RPS6KA2: variants seen among roughly 807,000 people sequenced by gnomAD.
RPS6KA2 encodes ribosomal protein S6 kinase alpha-2.
A neutral mutation model predicts 91.8 loss-of-function variants in RPS6KA2; 42 were observed. The ratio of observed to expected loss-of-function variants is 0.46; its 90% confidence interval spans 0.36 to 0.59. RPS6KA2 has a LOEUF of 0.59. Ranked by LOEUF, RPS6KA2 falls within the 20% of genes least tolerant of loss-of-function variation. RPS6KA2 has a pLI of 0.00. For synonymous variants in RPS6KA2, 414 were observed against 393.6 expected (o/e 1.05, Z -0.61); for missense variants, 798 against 978.5 (o/e 0.82, Z 2.46).
In RPS6KA2 at chr6:166,648,179, C is replaced by G. The variant is rs1787720873; in HGVS notation, c.124-109395G>C. Among the ~76,000 whole-genome samples, 1 of 150,928 alleles carries G rather than the reference C, an allele frequency of 6.6e-6. No individual in the cohort carries two copies. Among genetic ancestry groups the G allele is most frequent in the African/African-American group, 2.4e-5 (1 of 40,856 alleles). ...ACACACCCATGCACACATGCTCACA[C>G]ACATGCACACATGCTCATACACACA... On this transcript the variant is annotated intron_variant, in intron 2 of 21. Transcript: ENST00000503859. The surrounding 1 kb of genome is among the most constrained non-coding windows in gnomAD (Gnocchi z 4.8).
At chr6:166,750,280 G>A (rs556647085) in intron 2 of RPS6KA2, among the ~76,000 whole-genome samples, 2 of 152,222 alleles carry the variant, frequency 1.3e-5, no homozygotes, top group South Asian at 2.1e-4. Context: ...CCCTGGGGGG[G>A]TGCTCACCAG....
At chr6:166,796,800 A>G (rs9459760) in intron 2 of RPS6KA2, among the ~76,000 whole-genome samples, 55,212 of 150,896 alleles carry the variant, frequency 0.37, 11,036 homozygotes, top group African/African-American at 0.53. Context: ...CGAGTCACTC[A>G]CAACTGCACA....
intron 13 of RPS6KA2, among the ~76,000 whole-genome samples, chr6:166,450,206 C>T (rs1424134449): frequency 1.4e-5 from 2 of 145,428 alleles, no homozygotes; most frequent in Non-Finnish European, 3.0e-5. Context: ...CCATGGGAGG[C>T]TACCCTAGGG....
intron 2 of RPS6KA2, among the ~76,000 whole-genome samples, chr6:166,777,574 G>A (rs932657332): frequency 2.6e-5 from 4 of 152,162 alleles, no homozygotes; most frequent in African/African-American, 7.2e-5. Context: ...CAATATTCAG[G>A]AGTATTAAAG....
chr6:166,771,826 G>A (rs558055751), intron 2 of RPS6KA2, among the ~76,000 whole-genome samples: 4 of 152,278 alleles, frequency 2.6e-5, no homozygotes, highest in African/African-American at 4.8e-5. Context: ...CATGGCCCTC[G>A]GTTGTCACGA....
rs1268746611 is a variant in RPS6KA2, at chr6:166,665,945, C to T, written c.124-127161G>A. Reference sequence around the variant, plus strand: ...AGTTTCTGAGAGGCTCAGGAGCCTTCTTTGACATCATGATGATGAACCCAA... The same window carrying T: ...AGTTTCTGAGAGGCTCAGGAGCCTTTTTTGACATCATGATGATGAACCCAA... On this transcript the variant is annotated intron_variant, in intron 2 of 21. Transcript: ENST00000503859. The surrounding 1 kb of genome is among the most constrained non-coding windows in gnomAD (Gnocchi z 4.5). Among the ~76,000 whole-genome samples, 1 of 152,172 alleles carries T rather than the reference C, an allele frequency of 6.6e-6. No homozygotes were observed. The highest frequency in any genetic ancestry group is 1.5e-5 in the Non-Finnish European group (1 of 68,050).
At chr6:166,447,670 C>A (rs1245598665) in intron 14 of RPS6KA2, among the ~76,000 whole-genome samples, 1 of 152,194 alleles carries the variant, frequency 6.6e-6, no homozygotes, top group Admixed American at 6.5e-5. Context: ...TGGGTCATCT[C>A]AACATTGTCA....
At chr6:166,803,958 C>T (rs946613182) in intron 2 of RPS6KA2, among the ~76,000 whole-genome samples, 3 of 152,140 alleles carry the variant, frequency 2.0e-5, no homozygotes, top group African/African-American at 7.2e-5. Context: ...CTTTTTCAGT[C>T]TGTTCTAGTG....
chr6:166,748,412 C>T (rs1018621466), intron 2 of RPS6KA2, among the ~76,000 whole-genome samples: 3 of 152,156 alleles, frequency 2.0e-5, no homozygotes, highest in African/African-American at 7.2e-5. Flanking sequence ...AGCGAAATGA[C>T]TCCATCTGAT....
intron 2 of RPS6KA2, among the ~76,000 whole-genome samples, chr6:166,830,696 G>A (rs1053703275): frequency 6.6e-6 from 1 of 152,090 alleles, no homozygotes; most frequent in African/African-American, 2.4e-5. Context: ...TCTGCTGTGG[G>A]TTCTGACATT....
intron 1 of RPS6KA2, among the ~76,000 whole-genome samples, chr6:166,607,711 T>G (rs962423614): frequency 6.6e-6 from 1 of 152,156 alleles, no homozygotes; most frequent in Non-Finnish European, 1.5e-5. Context: ...ACTTAAAACA[T>G]GGAATTGTAC....
rs1353570213 is a variant in RPS6KA2 at position 166,574,485 on chromosome 6, T to C, written c.100-35701A>G. 2.0e-5 allele frequency among the ~76,000 whole-genome samples: 3 copies of C among 152,374 alleles called. No homozygotes were observed. The East Asian group carries it at 5.8e-4, about 29-fold the overall frequency. Reference sequence around the variant, plus strand: ...TGCACAGATGTGGCTGCAAAGGACATGATTTCATTCTTTTTATGGCTGTGT... The same window carrying C: ...TGCACAGATGTGGCTGCAAAGGACACGATTTCATTCTTTTTATGGCTGTGT... On this transcript the variant is annotated intron_variant, in intron 1 of 20. Coordinates refer to ENST00000265678, the MANE Select transcript of RPS6KA2 (RefSeq NM_021135.6).
intron 2 of RPS6KA2, among the ~76,000 whole-genome samples, chr6:166,768,802 T>C (rs1202961508): frequency 6.6e-6 from 1 of 152,152 alleles, no homozygotes; most frequent in Non-Finnish European, 1.5e-5. Flanking sequence ...TTCCCGCCTA[T>C]CAAATTCAAG....
chr6:166,671,278 GTCTGTTGTAA>G (rs766300368), intron 2 of RPS6KA2, among the ~76,000 whole-genome samples: 24 of 152,140 alleles, frequency 1.6e-4, no homozygotes, highest in Non-Finnish European at 3.2e-4. Flanking sequence ...ACTAGTCCTG[GTCTGTTGTAA>G]TTACAGCAAA....
At chr6:166,546,946 T>C (rs1783846650) in intron 1 of RPS6KA2, among the ~76,000 whole-genome samples, 1 of 152,088 alleles carries the variant, frequency 6.6e-6, no homozygotes, top group South Asian at 2.1e-4. Context: ...ACAAAGTTAG[T>C]TTCTTTTCTT....
chr6:166,725,375 A>T (rs1027668355), intron 2 of RPS6KA2, among the ~76,000 whole-genome samples: 13 of 152,218 alleles, frequency 8.5e-5, no homozygotes, highest in African/African-American at 3.1e-4. Flanking sequence ...AAATGTAAAT[A>T]TTATAATGAC....
chr6:166,769,288 T>C (rs914083217), intron 2 of RPS6KA2, among the ~76,000 whole-genome samples: 1 of 152,208 alleles, frequency 6.6e-6, no homozygotes, highest in Non-Finnish European at 1.5e-5. Context: ...AGAAACACAG[T>C]TCATCACACA....
chr6:166,521,583 C>T (rs940955539), intron 3 of RPS6KA2, among the ~76,000 whole-genome samples: 2 of 152,172 alleles, frequency 1.3e-5, no homozygotes, highest in African/African-American at 2.4e-5. Context: ...GCACAGAGCT[C>T]GTGTGTTTTC....
chr6:166,616,718 C>A (rs1562344428), intron 1 of RPS6KA2, among the ~76,000 whole-genome samples: 1 of 152,220 alleles, frequency 6.6e-6, no homozygotes, highest in Non-Finnish European at 1.5e-5. Flanking sequence ...GGTGTCAGGC[C>A]AGCTGGGGAG....
Sources: allele counts gnomAD v4.1 joint callset (sites outside exome capture counted in the v4.1 genomes callset), GRCh38; gene constraint gnomAD v4.1.1; non-coding constraint Gnocchi (gnomAD v3.1); transcripts MANE v1.5; gene names NCBI Gene and HGNC (gene_info 2026-07-23, HGNC 2026-07-21).